VPS13A: variants seen among roughly 807,000 people sequenced by gnomAD.
VPS13A encodes vacuolar protein sorting 13 homolog A, also known as intermembrane lipid transfer protein VPS13A.
Under a neutral mutation model 390.9 loss-of-function variants are expected in VPS13A, and 264 were observed. That is an observed-to-expected ratio of 0.68 (90% CI 0.61 to 0.75). The LOEUF is 0.75. Ranked by LOEUF, VPS13A falls within the 30% of genes least tolerant of loss-of-function variation. The pLI is 0.00. For synonymous variants in VPS13A, 1,231 were observed against 1,227.1 expected (o/e 1.00, Z -0.07); for missense variants, 3,409 against 3,733.9 (o/e 0.91, Z 2.27).
intron 11 of VPS13A, 49 bp downstream of exon 11, chr9:77,220,130 A>C: frequency 1.3e-6 from 2 of 1,562,508 alleles, no homozygotes; most frequent in Non-Finnish European, 1.8e-6. Flanking sequence ...GTTTGATAAA[A>C]GCAAAACTAA....
intron 3 of VPS13A, among the ~76,000 whole-genome samples, chr9:77,204,318 A>G (rs1422318094): frequency 6.6e-6 from 1 of 152,202 alleles, no homozygotes; most frequent in Non-Finnish European, 1.5e-5. Flanking sequence ...TTCTCAAGAT[A>G]CAAAACTAGA....
intron 10 of VPS13A, among the ~76,000 whole-genome samples, chr9:77,216,603 A>G (rs1822880276): frequency 6.6e-6 from 1 of 152,170 alleles, no homozygotes. Context: ...ATAAGAGTTG[A>G]TGTAAATTCT....
At chr9:77,370,599 G>A (rs371586505) in intron 65 of VPS13A, 21 bp downstream of exon 65, 9 of 1,613,886 alleles carry the variant, frequency 5.6e-6, no homozygotes, top group Non-Finnish European at 7.6e-6. Context: ...TCACAGGGTT[G>A]TGAAGATTTT....
chr9:77,275,018 A>T (rs913051777), intron 24 of VPS13A, among the ~76,000 whole-genome samples: 2 of 152,128 alleles, frequency 1.3e-5, no homozygotes, highest in African/African-American at 4.8e-5. Context: ...GTGTATATAT[A>T]TGTATACAAA....
intron 19 of VPS13A, among the ~76,000 whole-genome samples, chr9:77,238,874 A>C (rs1824302245): frequency 6.6e-6 from 1 of 152,140 alleles, no homozygotes; most frequent in East Asian, 1.9e-4. Flanking sequence ...CTTTTTAATT[A>C]AATAGTTGAC....
chr9:77,363,261 G>A (rs748866842), intron 59 of VPS13A, among the ~76,000 whole-genome samples: 1 of 151,794 alleles, frequency 6.6e-6, no homozygotes, highest in Non-Finnish European at 1.5e-5. Flanking sequence ...TTCAGGTTGA[G>A]GAAGTTCTTT....
intron 4 of VPS13A, among the ~76,000 whole-genome samples, chr9:77,205,634 TG>T (rs1289735296): frequency 6.6e-6 from 1 of 151,984 alleles, no homozygotes; most frequent in Non-Finnish European, 1.5e-5. Context: ...CACTGTCACC[TG>T]GGCTGGAGTG....
At position 77,295,302 on chromosome 9, in the gene VPS13A, T is replaced by C. The variant is rs1317306; in HGVS notation, c.3508-240T>C. ...AGTAGATATCTGTAAGACATTCCAGTGATCCCATTTAGCTTTGTTCTGAGG... is the reference window on the plus strand; with the variant it reads ...AGTAGATATCTGTAAGACATTCCAGCGATCCCATTTAGCTTTGTTCTGAGG... On this transcript the variant is annotated intron_variant, in intron 32 of 71. Transcript: ENST00000360280. Among the ~76,000 whole-genome samples the C allele has an allele frequency of 0.29, 44,582 of 151,926 alleles. 6,842 individuals are homozygous for C. Among genetic ancestry groups the C allele is most frequent in the Middle Eastern group, 0.36 (106 of 292 alleles).
chr9:77,261,093 G>T (rs957858389), intron 23 of VPS13A, among the ~76,000 whole-genome samples: 1 of 151,852 alleles, frequency 6.6e-6, no homozygotes, highest in African/African-American at 2.4e-5. Context: ...TAGAGACAGG[G>T]TTTCACCATC....
intron 23 of VPS13A, among the ~76,000 whole-genome samples, chr9:77,270,979 G>A (rs192154380): frequency 3.9e-5 from 6 of 152,086 alleles, no homozygotes; most frequent in African/African-American, 7.2e-5. Flanking sequence ...TATAAAAAGC[G>A]CAAATATAAC....
intron 61 of VPS13A, 64 bp from the exon 62 acceptor site, chr9:77,367,991 A>G (rs1832529900): frequency 2.2e-6 from 3 of 1,383,884 alleles, no homozygotes; most frequent in Non-Finnish European, 3.0e-6. Flanking sequence ...AAAGCCACTC[A>G]TTAATATTAA....
In VPS13A at chr9:77,340,426, G is replaced by C. The variant is rs533643080; in HGVS notation, c.6902G>C (p.Ser2301Thr). 2.5e-6 allele frequency: 4 copies of C among 1,613,270 alleles called. No homozygotes were observed. The highest frequency in any genetic ancestry group is 3.4e-6 in the Non-Finnish European group (4 of 1,179,640). The stretch of plus-strand genomic sequence containing the variant: ...TAGGTTGGTGTCACTATAGACCTGA[G>C]CAGTTTTAACATTACTAGAATTGTG... The part of the protein sequence containing the change: ...DYQVGVTIDL[S>T]SFNITRIVTF... The change falls in exon 50 of 72, where the codon AGC (serine) becomes ACC (threonine). Residue 2301 changes from serine to threonine, a missense_variant. Ser to Thr is a moderately conservative substitution (Grantham distance 58, BLOSUM62 1). Coordinates refer to ENST00000360280, the MANE Select transcript of VPS13A (RefSeq NM_033305.3).
chr9:77,228,420 AATAC>A (rs1044641063), intron 17 of VPS13A, among the ~76,000 whole-genome samples, 156 bp downstream of exon 17: 1 of 152,080 alleles, frequency 6.6e-6, no homozygotes, highest in African/African-American at 2.4e-5. Context: ...TTGTTAAGAT[AATAC>A]ATGTTCAATA....
chr9:77,205,291 T>C, intron 3 of VPS13A, 22 bp from the exon 4 acceptor site: 1 of 1,351,638 alleles, frequency 7.4e-7, no homozygotes. Flanking sequence ...TTGTCCTTTT[T>C]TTTTTTCCCA....
chr9:77,281,791 G>A lies in VPS13A; in HGVS notation c.2905-76G>A, dbSNP rs1488570116. On this transcript the variant is annotated intron_variant, in intron 27 of 71. Coordinates refer to ENST00000360280, the MANE Select transcript of VPS13A (RefSeq NM_033305.3). ...AACAGCTGGAAAATTATATAAATGT[G>A]TATTAGGACTATAATGTGATTGTAT... 20 of 866,820 alleles carry A rather than the reference G, an allele frequency of 2.3e-5. No homozygotes were observed. The East Asian group carries it at 5.0e-4, about 22-fold the overall frequency. The allele number at this position is 866,820 out of a possible 1,614,324, so 53.7% of individuals were successfully genotyped here.
At chr9:77,223,107 A>G (rs1383590506) in intron 13 of VPS13A, among the ~76,000 whole-genome samples, 1 of 152,090 alleles carries the variant, frequency 6.6e-6, no homozygotes, top group Non-Finnish European at 1.5e-5. Flanking sequence ...AGGCTGCCCA[A>G]TTTGCAAATT....
chr9:77,316,087 CTAT>C (rs1829364552), intron 38 of VPS13A, 84 bp from the exon 39 acceptor site: 1 of 736,678 alleles, frequency 1.4e-6, no homozygotes, highest in Admixed American at 4.3e-5. Context: ...TTACTTTTTA[CTAT>C]TATTTCATTT....
At position 77,259,706 on chromosome 9, in the gene VPS13A, C is replaced by G. The variant is rs559887188; in HGVS notation, c.2289-380C>G. On this transcript the variant is annotated intron_variant, in intron 22 of 71. Coordinates refer to ENST00000360280, the MANE Select transcript of VPS13A (RefSeq NM_033305.3). ...CAAACCTTAGTTTTCTCATAGGAAG[C>G]ATGTACATATAGGAACTTAAATAGA... Among the ~76,000 whole-genome samples the G allele has an allele frequency of 2.7e-3, 407 of 152,302 alleles. 1 individual carries two copies. Among genetic ancestry groups the G allele is most frequent in the African/African-American group, 9.1e-3 (378 of 41,568 alleles).
In VPS13A at chr9:77,386,625, T is replaced by G. The variant is rs73451823; in HGVS notation, c.9189+4538T>G. On this transcript the variant is annotated intron_variant, in intron 68 of 71. Transcript: ENST00000360280. The stretch of plus-strand genomic sequence containing the variant: ...TTTTAAATAATATGCTAGTAACTAG[T>G]AAACATTGCTTGTGTGGTCTTAGAG... Among the ~76,000 whole-genome samples the G allele has an allele frequency of 3.5e-3, 539 of 152,226 alleles. 3 individuals carry two copies. The highest frequency in any genetic ancestry group is 0.012 in the African/African-American group (514 of 41,572).
Sources: allele counts gnomAD v4.1 joint callset (sites outside exome capture counted in the v4.1 genomes callset), GRCh38; gene constraint gnomAD v4.1.1; transcripts MANE v1.5; gene names NCBI Gene and HGNC (gene_info 2026-07-23, HGNC 2026-07-21).